Variants in CCSER1 observed in about 807,000 individuals in gnomAD.
CCSER1 encodes serine-rich coiled-coil domain-containing protein 1.
Under a neutral mutation model 82.0 loss-of-function variants are expected in CCSER1, and 41 were observed. That is an observed-to-expected ratio of 0.50 (90% confidence interval 0.39 to 0.65). The LOEUF is 0.65. Ranked by LOEUF, CCSER1 falls within the 30% of genes least tolerant of loss-of-function variation. The probability of loss-of-function intolerance (pLI) is 0.00; values close to 1 mark genes in which losing one functional copy is unlikely to be tolerated. For synonymous variants in CCSER1, 414 were observed against 383.9 expected (o/e 1.08, Z -0.92); for missense variants, 1,119 against 1,064.2 (o/e 1.05, Z -0.72).
intron 9 of CCSER1, among the ~76,000 whole-genome samples, chr4:91,018,026 G>T (rs1483809502): frequency 6.6e-6 from 1 of 152,046 alleles, no homozygotes; most frequent in East Asian, 1.9e-4. Context: ...ATGGAAAGGA[G>T]ATGAAATAAT....
At chr4:90,749,119 A>G (rs1035803785) in intron 7 of CCSER1, among the ~76,000 whole-genome samples, 3 of 151,900 alleles carry the variant, frequency 2.0e-5, no homozygotes, top group Non-Finnish European at 2.9e-5. Context: ...GCGCATGCCT[A>G]TGTCCTGAAT....
intron 9 of CCSER1, among the ~76,000 whole-genome samples, chr4:91,004,611 A>T (rs1460724475): frequency 6.6e-6 from 1 of 152,224 alleles, no homozygotes; most frequent in African/African-American, 2.4e-5. Context: ...GTGCCTGAGT[A>T]TGTGATTTTG....
chr4:91,133,934 A>G (rs1327739929), intron 10 of CCSER1, among the ~76,000 whole-genome samples: 1 of 152,158 alleles, frequency 6.6e-6, no homozygotes, highest in Non-Finnish European at 1.5e-5. Flanking sequence ...CCCCGTCTCT[A>G]CTAAAAATAC....
intron 7 of CCSER1, among the ~76,000 whole-genome samples, chr4:90,800,443 G>A (rs1420566147): frequency 6.6e-6 from 1 of 151,930 alleles, no homozygotes; most frequent in Non-Finnish European, 1.5e-5. Context: ...CATTGTGGGA[G>A]GAGACATGTA....
chr4:91,056,029 C>A (rs1743413926), intron 9 of CCSER1, among the ~76,000 whole-genome samples: 2 of 151,992 alleles, frequency 1.3e-5, no homozygotes, highest in Admixed American at 6.6e-5. Context: ...TCCAGATTTT[C>A]TCTTTGGTTA....
intron 10 of CCSER1, among the ~76,000 whole-genome samples, chr4:91,318,596 C>G (rs193156248): frequency 6.6e-6 from 1 of 152,070 alleles, no homozygotes; most frequent in African/African-American, 2.4e-5. Flanking sequence ...CAAATCAGGA[C>G]TTATGTGAAA....
chr4:90,696,238 C>A (rs561199075), intron 6 of CCSER1, among the ~76,000 whole-genome samples: 219 of 152,174 alleles, frequency 1.4e-3, no homozygotes, highest in Admixed American at 3.8e-3. Flanking sequence ...TTTATTTACA[C>A]CCACATTAAC....
intron 10 of CCSER1, among the ~76,000 whole-genome samples, chr4:91,312,719 G>A (rs1398742184): frequency 1.3e-5 from 2 of 151,790 alleles, no homozygotes; most frequent in African/African-American, 2.4e-5. Context: ...ATTGTAAGTC[G>A]AAATTTCTTA....
chr4:90,927,278 A>G (rs932978427), intron 9 of CCSER1, among the ~76,000 whole-genome samples: 3 of 152,042 alleles, frequency 2.0e-5, no homozygotes, highest in Non-Finnish European at 4.4e-5. Flanking sequence ...AAATGCACTA[A>G]AGTTTTAAGT....
chr4:90,984,107 T>A (rs952961553), intron 9 of CCSER1, among the ~76,000 whole-genome samples: 34 of 151,882 alleles, frequency 2.2e-4, no homozygotes, highest in African/African-American at 7.5e-4. Flanking sequence ...CTTGCTGAAT[T>A]GAAGTAAGAT....
In CCSER1 at chr4:91,113,071, T is replaced by C. The variant is rs542698169; in HGVS notation, c.2217+27077T>C. On this transcript the variant is annotated intron_variant, in intron 10 of 10. Transcript: ENST00000509176. ...TTTGCACTTGTTATAGCTGCGGCTA[T>C]AGAAATTATTACATTTTTAAATATT... Among the ~76,000 whole-genome samples, 4 of 152,358 alleles carry C rather than the reference T, an allele frequency of 2.6e-5. No homozygotes were observed. The East Asian group carries it at 5.8e-4, about 22-fold the overall frequency.
At chr4:91,146,754 G>A (rs750545457) in intron 10 of CCSER1, among the ~76,000 whole-genome samples, 40 of 152,152 alleles carry the variant, frequency 2.6e-4, no homozygotes, top group Non-Finnish European at 5.3e-4. Flanking sequence ...TTCCTTCATG[G>A]GCTTTCACAG....
At chr4:90,329,080 G>T (rs932446288) in intron 3 of CCSER1, among the ~76,000 whole-genome samples, 2 of 151,954 alleles carry the variant, frequency 1.3e-5, no homozygotes, top group Non-Finnish European at 2.9e-5. Context: ...TATGAAACTT[G>T]TCTGAAATAA....
chr4:90,504,227 A>G (rs1467375255), intron 5 of CCSER1, among the ~76,000 whole-genome samples: 1 of 152,176 alleles, frequency 6.6e-6, no homozygotes, highest in Non-Finnish European at 1.5e-5. Context: ...CTAAATTTCC[A>G]TGAACTTATC....
At chr4:90,834,476 G>GA (rs1671257993) in intron 8 of CCSER1, among the ~76,000 whole-genome samples, 1 of 152,192 alleles carries the variant, frequency 6.6e-6, no homozygotes, top group African/African-American at 2.4e-5. Context: ...AGTGCAGAGA[G>GA]AAAAAAATAA....
chr4:90,617,695 C>G (rs10003352), intron 5 of CCSER1, among the ~76,000 whole-genome samples: 46,223 of 151,918 alleles, frequency 0.3, 7,380 homozygotes, highest in African/African-American at 0.38. Context: ...TAGTATTTGT[C>G]TATGTTGGTG....
At chr4:91,260,248 C>T (rs1186714070) in intron 10 of CCSER1, among the ~76,000 whole-genome samples, 1 of 152,124 alleles carries the variant, frequency 6.6e-6, no homozygotes, top group African/African-American at 2.4e-5. Context: ...AAAAAGAAGA[C>T]AGTAATTATC....
chr4:91,314,054 A>G (rs1430134759), intron 10 of CCSER1, among the ~76,000 whole-genome samples: 1 of 152,006 alleles, frequency 6.6e-6, no homozygotes, highest in Non-Finnish European at 1.5e-5. Context: ...AACATCTTCA[A>G]AACGGAATTC....
chr4:91,111,900 A>G (rs919534949), intron 10 of CCSER1, among the ~76,000 whole-genome samples: 2 of 151,894 alleles, frequency 1.3e-5, no homozygotes, highest in African/African-American at 2.4e-5. Flanking sequence ...TAATAGGGTA[A>G]ATGGAAAAGC....
Sources: gnomAD v4.1 joint callset for allele counts (sites outside exome capture counted in the v4.1 genomes callset) on GRCh38, gnomAD v4.1.1 for gene constraint, MANE v1.5 for transcripts, NCBI Gene and HGNC (gene_info 2026-07-23, HGNC 2026-07-21) for gene names.